Variants in NEDD9 observed in about 807,000 individuals in gnomAD.
NEDD9 encodes enhancer of filamentation 1.
NEDD9 carries 26 observed loss-of-function variants against 76.6 expected under a neutral mutation model. The observed-to-expected ratio is 0.34, with a 90% CI of 0.25 to 0.47. The LOEUF (loss-of-function observed/expected upper bound fraction) is 0.47, where lower values mean the gene tolerates loss of function less well. Ranked by LOEUF, NEDD9 falls within the 20% of genes least tolerant of loss-of-function variation. NEDD9 has a pLI of 1.00. For synonymous variants in NEDD9, 392 were observed against 414.2 expected (o/e 0.95, Z 0.65); for missense variants, 937 against 1,058.5 (o/e 0.89, Z 1.59).
At chr6:11,266,751 G>C (rs80204096) in intron 3 of NEDD9, among the ~76,000 whole-genome samples, 1,757 of 152,318 alleles carry the variant, frequency 0.012, 14 homozygotes, top group Non-Finnish European at 0.019. Flanking sequence ...GGTACCTTCA[G>C]TGACCTTGAT....
intron 2 of NEDD9, among the ~76,000 whole-genome samples, chr6:11,319,164 AC>A (rs1279712198): frequency 6.6e-6 from 1 of 152,232 alleles, no homozygotes; most frequent in Non-Finnish European, 1.5e-5. Context: ...TCTTCTGCCC[AC>A]TCAGAACAGC....
At chr6:11,292,215 G>A (rs555412417) in intron 3 of NEDD9, among the ~76,000 whole-genome samples, 1 of 152,292 alleles carries the variant, frequency 6.6e-6, no homozygotes, top group African/African-American at 2.4e-5. Context: ...GAAAGCCACA[G>A]AAGACACTGA....
chr6:11,287,523 T>TA (rs1760676350), intron 3 of NEDD9, among the ~76,000 whole-genome samples: 1 of 122,174 alleles, frequency 8.2e-6, no homozygotes. Context: ...AGTGCACAAA[T>TA]CCACACACAC....
At chr6:11,317,190 T>A (rs1233878095) in intron 2 of NEDD9, among the ~76,000 whole-genome samples, 1 of 152,116 alleles carries the variant, frequency 6.6e-6, no homozygotes, top group Non-Finnish European at 1.5e-5. Flanking sequence ...CCCAGCACTC[T>A]GAGAGGCCGA....
intron 1 of NEDD9, among the ~76,000 whole-genome samples, chr6:11,227,793 C>A (rs1206577555): frequency 2.7e-5 from 3 of 111,660 alleles, no homozygotes; most frequent in Non-Finnish European, 4.1e-5. Flanking sequence ...GTAGTGCTAA[C>A]AGAGTAGGGC....
chr6:11,297,029 G>A (rs1036085140), intron 3 of NEDD9, among the ~76,000 whole-genome samples: 3 of 152,002 alleles, frequency 2.0e-5, no homozygotes, highest in Admixed American at 1.3e-4. Context: ...ACGCCCAGCC[G>A]ATTTGGCTTT....
At chr6:11,264,756 A>C (rs1760174207) in intron 3 of NEDD9, among the ~76,000 whole-genome samples, 1 of 152,242 alleles carries the variant, frequency 6.6e-6, no homozygotes, top group Admixed American at 6.5e-5. Context: ...AGAGGTTGAA[A>C]AAAATATGTT....
intron 2 of NEDD9, among the ~76,000 whole-genome samples, chr6:11,308,887 G>C (rs1279707164): frequency 6.6e-6 from 1 of 152,162 alleles, no homozygotes; most frequent in Non-Finnish European, 1.5e-5. Flanking sequence ...TATACATTTT[G>C]AAGTGATGTC....
At chr6:11,338,564 A>G (rs1344613531) in intron 1 of NEDD9, among the ~76,000 whole-genome samples, 4 of 152,194 alleles carry the variant, frequency 2.6e-5, no homozygotes, top group African/African-American at 9.7e-5. Flanking sequence ...TTTGAAAGCC[A>G]TCATCTGGGA....
At chr6:11,314,441 G>T (rs982128610) in intron 2 of NEDD9, among the ~76,000 whole-genome samples, 3 of 152,162 alleles carry the variant, frequency 2.0e-5, no homozygotes, top group African/African-American at 7.2e-5. Flanking sequence ...ATGAAGGAAG[G>T]CGTACTCTTG....
At chr6:11,331,404 G>GT (rs973505620) in intron 2 of NEDD9, among the ~76,000 whole-genome samples, 1 of 151,988 alleles carries the variant, frequency 6.6e-6, no homozygotes, top group African/African-American at 2.4e-5. Flanking sequence ...GGACAGGAAG[G>GT]TAGATAAATT....
chr6:11,346,627 T>C (rs1762371275), intron 1 of NEDD9, among the ~76,000 whole-genome samples: 1 of 152,200 alleles, frequency 6.6e-6, no homozygotes, highest in Admixed American at 6.5e-5. Flanking sequence ...GTCTGGACTC[T>C]CATCGGGGAA....
upstream of NEDD9, among the ~76,000 whole-genome samples, chr6:11,236,675 A>T (rs779597079): frequency 7.2e-5 from 11 of 152,162 alleles, no homozygotes; most frequent in Admixed American, 1.3e-4. The surrounding 1 kb of genome is among the most constrained non-coding windows in gnomAD (Gnocchi z 5.5). Flanking sequence ...CAGGCCCCTG[A>T]ATCTCTTGGT....
At chr6:11,273,704 G>A (rs948137264) in intron 3 of NEDD9, among the ~76,000 whole-genome samples, 6 of 152,186 alleles carry the variant, frequency 3.9e-5, no homozygotes, top group Non-Finnish European at 5.9e-5. Context: ...TACAATGGAA[G>A]GCCGAAATGG....
At chr6:11,225,332 C>A (rs1182672495) in intron 1 of NEDD9, among the ~76,000 whole-genome samples, 1 of 152,094 alleles carries the variant, frequency 6.6e-6, no homozygotes, top group African/African-American at 2.4e-5. Flanking sequence ...TTCTAATTCG[C>A]AAGACTGAGA....
chr6:11,284,558 T>A (rs929439495), intron 3 of NEDD9, among the ~76,000 whole-genome samples: 1 of 151,456 alleles, frequency 6.6e-6, no homozygotes, highest in African/African-American at 2.4e-5. Context: ...AGAGCAAGAC[T>A]CTGTCTCAAA....
intron 3 of NEDD9, among the ~76,000 whole-genome samples, chr6:11,260,164 G>A (rs1760080154): frequency 6.6e-6 from 1 of 152,088 alleles, no homozygotes; most frequent in African/African-American, 2.4e-5. Flanking sequence ...TCCAGGCCTA[G>A]CATCATTGGC....
At chr6:11,380,061 G>A (rs1291141628) in intron 1 of NEDD9, among the ~76,000 whole-genome samples, 1 of 152,212 alleles carries the variant, frequency 6.6e-6, no homozygotes, top group Non-Finnish European at 1.5e-5. Context: ...TGCTGTGCCT[G>A]TGCCCTTTCT....
rs973529229 is a variant in NEDD9 at position 11,369,630 on chromosome 6, T to G, written c.-214+12509A>C. ...TCTACTGCAGAAAGTGAACCTGTCT[T>G]ATAAACCCAATCCCAAAACATTTAA... is the stretch of plus-strand genomic sequence containing the variant. On this transcript the variant is annotated intron_variant, in intron 1 of 3. Transcript: ENST00000397378. Among the ~76,000 whole-genome samples, 5 of 152,242 alleles carry G rather than the reference T, an allele frequency of 3.3e-5. No individual in the cohort carries two copies. The East Asian group carries it at 9.6e-4, about 29-fold the overall frequency.
Sources: gnomAD v4.1 joint callset for allele counts (sites outside exome capture counted in the v4.1 genomes callset) on GRCh38, gnomAD v4.1.1 for gene constraint, Gnocchi (gnomAD v3.1) non-coding constraint, MANE v1.5 for transcripts, NCBI Gene and HGNC (gene_info 2026-07-23, HGNC 2026-07-21) for gene names.